SLC6A6: variants seen among roughly 807,000 people sequenced by gnomAD.
SLC6A6 encodes sodium- and chloride-dependent taurine transporter.
SLC6A6 carries 16 observed loss-of-function variants against 68.8 expected under a neutral mutation model. The observed-to-expected ratio is 0.23, with a 90% CI of 0.16 to 0.35. The LOEUF is 0.35. Ranked by LOEUF, SLC6A6 falls within the 10% of genes least tolerant of loss-of-function variation. SLC6A6 has a pLI of 1.00. For missense variants in SLC6A6, 474 were observed against 802.8 expected (o/e 0.59, Z 4.95); for synonymous variants, 312 against 315.4 (o/e 0.99, Z 0.12).
chr3:14,452,442 A>G (rs1700274837), intron 5 of SLC6A6, among the ~76,000 whole-genome samples: 1 of 152,204 alleles, frequency 6.6e-6, no homozygotes. Context: ...CACAGCTAGA[A>G]GGAGCAAAGC....
intron 2 of SLC6A6, among the ~76,000 whole-genome samples, chr3:14,443,329 C>A (rs551679951): frequency 6.6e-6 from 1 of 152,132 alleles, no homozygotes; most frequent in African/African-American, 2.4e-5. Context: ...GACACCCAGA[C>A]GACAAACCTG....
chr3:14,458,106 C>T (rs200206592), intron 6 of SLC6A6, 24 bp downstream of exon 6: 4 of 1,610,330 alleles, frequency 2.5e-6, no homozygotes, highest in East Asian at 4.5e-5. Flanking sequence ...CTGTCCGTCC[C>T]CTGCCTCCTG....
chr3:14,427,341 A>T (rs1699623401), intron 2 of SLC6A6, among the ~76,000 whole-genome samples: 1 of 152,160 alleles, frequency 6.6e-6, no homozygotes, highest in South Asian at 2.1e-4. Context: ...CCACCCTGTG[A>T]GGTCGATGCC....
intron 2 of SLC6A6, among the ~76,000 whole-genome samples, chr3:14,437,405 G>A (rs554954751): frequency 3.4e-4 from 51 of 152,174 alleles, no homozygotes; most frequent in Non-Finnish European, 6.0e-4. Context: ...CTACAGGCAT[G>A]TGCCACCACA....
intron 2 of SLC6A6, among the ~76,000 whole-genome samples, chr3:14,416,861 T>C (rs570869561): frequency 6.6e-6 from 1 of 152,364 alleles, no homozygotes; most frequent in African/African-American, 2.4e-5. Context: ...GTTTTTGTTT[T>C]GAGACAGGGT....
chr3:14,424,166 A>G (rs538855390), intron 2 of SLC6A6, among the ~76,000 whole-genome samples: 18 of 152,260 alleles, frequency 1.2e-4, no homozygotes, highest in African/African-American at 3.9e-4. Context: ...ATAAACATTG[A>G]GAATTGAAAG....
At chr3:14,403,554 G>C (rs1699036917) in intron 1 of SLC6A6, among the ~76,000 whole-genome samples, 1 of 152,178 alleles carries the variant, frequency 6.6e-6, no homozygotes, top group African/African-American at 2.4e-5. Flanking sequence ...GTGGGGAGAG[G>C]TGATAGGGCA....
intron 1 of SLC6A6, among the ~76,000 whole-genome samples, chr3:14,412,143 C>T (rs942378780): frequency 3.3e-5 from 5 of 152,166 alleles, no homozygotes; most frequent in Non-Finnish European, 7.3e-5. Context: ...TGCCACCACA[C>T]GGGGTGCTGT....
Position 14,477,162 on chromosome 3 carries a change from TGA to T in SLC6A6, c.1210-41_1210-40del. The T allele has an allele frequency of 6.3e-7, 1 of 1,592,330 alleles. No homozygotes were observed. Among genetic ancestry groups the T allele is most frequent in the Non-Finnish European group, 8.6e-7 (1 of 1,164,816 alleles). On this transcript the variant is annotated intron_variant, in intron 10 of 14. Transcript: ENST00000622186. The surrounding 1 kb of genome is among the most constrained non-coding windows in gnomAD (Gnocchi z 4.2). ...CTCCGAGCAGCAGGCAAGGGTGGCC[TGA>T]GCGTCAGCCGCTCACCAGCTCTCTC...
chr3:14,417,676 G>A (rs1240341065), intron 2 of SLC6A6, among the ~76,000 whole-genome samples: 7 of 150,652 alleles, frequency 4.6e-5, no homozygotes, highest in African/African-American at 7.4e-5. Context: ...AGCTTGCAGC[G>A]AGCCGCGATC....
chr3:14,462,834 C>T (rs1700526922), intron 6 of SLC6A6, among the ~76,000 whole-genome samples: 1 of 152,178 alleles, frequency 6.6e-6, no homozygotes, highest in Admixed American at 6.5e-5. Context: ...AGGGTGTGTA[C>T]ACACGGTGGA....
intron 2 of SLC6A6, among the ~76,000 whole-genome samples, chr3:14,417,131 G>C (rs575665554): frequency 8.5e-5 from 13 of 152,224 alleles, no homozygotes; most frequent in Admixed American, 3.3e-4. Context: ...CCAGGAGCTC[G>C]AGACCAGCGT....
In SLC6A6 at chr3:14,443,733, G is replaced by A. The variant is rs1338322658; in HGVS notation, c.99G>A (p.Glu33=). The change falls in exon 3 of 15, where the codon GAG becomes GAA. Residue 33 remains glutamate (E), a synonymous_variant. Transcript: ENST00000622186. ...GCCCAGGCACGCGGCCTGAGGACGA[G>A]GCTGAGGGAAAACCTCCGCAGAGGG... ...GKSPGTRPED[E]AEGKPPQREK... 2.5e-6 allele frequency: 4 copies of A among 1,614,014 alleles called. No individual in the cohort carries two copies. In the African/African-American group the frequency reaches 4.0e-5, roughly 16 times the overall value.
Position 14,484,983 on chromosome 3 carries a change from C to T in SLC6A6, c.1839C>T (p.His613=). 6.2e-7 allele frequency: 1 copy of T among 1,613,286 alleles called. No individual in the cohort carries two copies. The highest frequency in any genetic ancestry group is 8.5e-7 in the Non-Finnish European group (1 of 1,179,746). The part of the protein sequence containing the change: ...VMNGALVKPT[H]IIVETMM Reference sequence around the variant, plus strand: ...ACGGCGCTCTCGTGAAACCGACCCACATCATTGTGGAGACCATGATGTGAG... The same window carrying T: ...ACGGCGCTCTCGTGAAACCGACCCATATCATTGTGGAGACCATGATGTGAG... The change falls in exon 15 of 15, where the codon CAC becomes CAT. Residue 613 remains histidine, a synonymous_variant. Transcript: ENST00000622186.
intron 2 of SLC6A6, among the ~76,000 whole-genome samples, chr3:14,442,777 C>T (rs561448258): frequency 5.1e-4 from 78 of 152,254 alleles, no homozygotes; most frequent in Admixed American, 1.6e-3. Context: ...TGGGGCCTCC[C>T]GTTGGCCAAA....
chr3:14,481,943 T>G lies in SLC6A6; in HGVS notation c.1722+102T>G. The G allele has an allele frequency of 1.1e-6, 1 of 922,502 alleles. No homozygotes were observed. Among genetic ancestry groups the G allele is most frequent in the East Asian group, 2.6e-5 (1 of 38,590 alleles). The allele number at this position is 922,502 out of a possible 1,614,324, so 57.1% of individuals were successfully genotyped here. A position where few individuals can be genotyped will look rare whatever the true frequency, so the allele number is the denominator to read the frequency against. On this transcript the variant is annotated intron_variant, in intron 14 of 14. Coordinates refer to ENST00000622186, the MANE Select transcript of SLC6A6 (RefSeq NM_003043.6). The surrounding 1 kb of genome is among the most constrained non-coding windows in gnomAD (Gnocchi z 4.7). ...TCTCAGGCAAGTCACCTGCCCTCTCTGAGCCATAGTTCCCTCACCCATCCA... is the reference window on the plus strand; with the variant it reads ...TCTCAGGCAAGTCACCTGCCCTCTCGGAGCCATAGTTCCCTCACCCATCCA...
At chr3:14,446,176 C>T (rs551964722) in intron 4 of SLC6A6, among the ~76,000 whole-genome samples, 104 of 152,230 alleles carry the variant, frequency 6.8e-4, no homozygotes, top group African/African-American at 2.2e-3. Context: ...AGGTGCCCAT[C>T]GGTGGTGGAC....
chr3:14,408,386 G>A (rs181093439), intron 1 of SLC6A6, among the ~76,000 whole-genome samples: 12 of 151,464 alleles, frequency 7.9e-5, no homozygotes, highest in Admixed American at 5.9e-4. Context: ...CCAGGCTGGA[G>A]TGCAGTGGCT....
chr3:14,416,989 C>T (rs961804217), intron 2 of SLC6A6, among the ~76,000 whole-genome samples: 6 of 152,320 alleles, frequency 3.9e-5, no homozygotes, highest in South Asian at 2.1e-4. Flanking sequence ...GCACTACAGG[C>T]GCGTGCCGCC....
Sources: allele counts gnomAD v4.1 joint callset (sites outside exome capture counted in the v4.1 genomes callset), GRCh38; gene constraint gnomAD v4.1.1; non-coding constraint Gnocchi (gnomAD v3.1); transcripts MANE v1.5; gene names NCBI Gene and HGNC (gene_info 2026-07-23, HGNC 2026-07-21).